Variants in LINGO2 observed in about 807,000 individuals in gnomAD.
The protein encoded by LINGO2 is leucine-rich repeat and immunoglobulin-like domain-containing nogo receptor-interacting protein 2.
LINGO2 carries 14 observed loss-of-function variants against 30.6 expected under a neutral mutation model. The ratio of observed to expected loss-of-function variants is 0.46; its 90% CI spans 0.30 to 0.72. The LOEUF (loss-of-function observed/expected upper bound fraction) is 0.72, where lower values mean the gene tolerates loss of function less well. Ranked by LOEUF, LINGO2 falls within the 30% of genes least tolerant of loss-of-function variation. The pLI is 0.07. For missense variants in LINGO2, 729 were observed against 751.7 expected, an observed-to-expected ratio of 0.97 and a Z score of 0.35; for synonymous variants, 317 against 288.5, an observed-to-expected ratio of 1.10 and a Z score of -1.00.
the LINGO2 span, among the ~76,000 whole-genome samples, chr9:28,741,544 G>C: frequency 6.6e-6 from 1 of 151,970 alleles, no homozygotes; most frequent in Non-Finnish European, 1.5e-5. Flanking sequence ...TCTTGCTCTG[G>C]GATATACTTG....
At chr9:28,921,446 G>A in the LINGO2 span, among the ~76,000 whole-genome samples, 2 of 152,000 alleles carry the variant, frequency 1.3e-5, no homozygotes, top group Admixed American at 6.6e-5. Flanking sequence ...AGGTCATCCC[G>A]TCACACAGAT....
intron 3 of LINGO2, among the ~76,000 whole-genome samples, chr9:28,362,532 G>A (rs1480914729): frequency 1.3e-5 from 2 of 151,374 alleles, no homozygotes; most frequent in East Asian, 1.9e-4. Context: ...GTGCAATGGC[G>A]TGATCTCAGC....
At chr9:28,149,017 G>T in intron 4 of LINGO2, 2 of 1,534,344 alleles carry the variant, frequency 1.3e-6, no homozygotes, top group East Asian at 2.4e-5. Flanking sequence ...AACTGAGGTG[G>T]GATAGAGACG....
chr9:29,135,413 C>T, the LINGO2 span, among the ~76,000 whole-genome samples: 1 of 151,952 alleles, frequency 6.6e-6, no homozygotes, highest in East Asian at 1.9e-4. Context: ...CAAAAATTAG[C>T]CAGGCATGGT....
intron 4 of LINGO2, among the ~76,000 whole-genome samples, chr9:28,103,058 T>C (rs1437080109): frequency 6.6e-6 from 1 of 152,134 alleles, no homozygotes; most frequent in African/African-American, 2.4e-5. Flanking sequence ...ATTCAAAACA[T>C]ACTTATATAT....
chr9:28,879,455 C>T, the LINGO2 span, among the ~76,000 whole-genome samples: 1 of 152,144 alleles, frequency 6.6e-6, no homozygotes, highest in South Asian at 2.1e-4. Flanking sequence ...CAAAACACCT[C>T]ATTAAAAAGT....
the LINGO2 span, among the ~76,000 whole-genome samples, chr9:28,832,403 G>T: frequency 0.026 from 3,946 of 152,220 alleles, 161 homozygotes; most frequent in African/African-American, 0.089. Context: ...AAAGACAAAT[G>T]ATGTTATATG....
the LINGO2 span, among the ~76,000 whole-genome samples, chr9:29,210,726 C>A: frequency 6.6e-6 from 1 of 152,140 alleles, no homozygotes; most frequent in African/African-American, 2.4e-5. Context: ...CATATATGTA[C>A]CTTAATCAAA....
intron 1 of LINGO2, among the ~76,000 whole-genome samples, chr9:28,642,008 A>G (rs1420085086): frequency 7.4e-6 from 1 of 135,382 alleles, no homozygotes; most frequent in Non-Finnish European, 1.6e-5. Flanking sequence ...TATTTATAAT[A>G]CTCTGTTTTT....
intron 4 of LINGO2, among the ~76,000 whole-genome samples, chr9:28,014,900 TAG>T (rs537854820): frequency 1.8e-4 from 28 of 152,180 alleles, no homozygotes; most frequent in Non-Finnish European, 3.7e-4. Context: ...ATAATCTGCA[TAG>T]ATTTATAAAT....
At chr9:28,281,894 G>A (rs1823340669) in intron 4 of LINGO2, among the ~76,000 whole-genome samples, 1 of 152,078 alleles carries the variant, frequency 6.6e-6, no homozygotes, top group Non-Finnish European at 1.5e-5. Context: ...ATGTGGAAAT[G>A]CTTGCTTGAA....
chr9:28,851,897 A>C, the LINGO2 span, among the ~76,000 whole-genome samples: 2 of 151,888 alleles, frequency 1.3e-5, no homozygotes, highest in South Asian at 2.1e-4. Flanking sequence ...TATATATATA[A>C]TCACATTTGG....
the LINGO2 span, among the ~76,000 whole-genome samples, chr9:29,151,605 A>G: frequency 1.3e-5 from 2 of 152,218 alleles, no homozygotes; most frequent in Non-Finnish European, 2.9e-5. Context: ...AGGAGTTACT[A>G]TTCTTAAGTG....
intron 4 of LINGO2, among the ~76,000 whole-genome samples, chr9:28,269,850 G>C (rs962223792): frequency 3.9e-5 from 6 of 152,066 alleles, no homozygotes; most frequent in Admixed American, 2.0e-4. Context: ...TGAACTCAGG[G>C]CTGGAGATCT....
chr9:28,174,815 T>C (rs1009826468), intron 4 of LINGO2, among the ~76,000 whole-genome samples: 1 of 152,104 alleles, frequency 6.6e-6, no homozygotes, highest in East Asian at 1.9e-4. Flanking sequence ...AATAAATGTT[T>C]ATGAAACATA....
the LINGO2 span, among the ~76,000 whole-genome samples, chr9:29,042,439 C>T: frequency 6.6e-6 from 1 of 151,952 alleles, no homozygotes; most frequent in Non-Finnish European, 1.5e-5. Context: ...GTGAATAATC[C>T]CATCTGTCCT....
chr9:28,194,037 T>C (rs1225699749), intron 4 of LINGO2, among the ~76,000 whole-genome samples: 1 of 152,162 alleles, frequency 6.6e-6, no homozygotes, highest in African/African-American at 2.4e-5. Context: ...TCTTCTACTT[T>C]AATCTGTTGG....
chr9:28,118,899 G>C (rs962594126), intron 4 of LINGO2, among the ~76,000 whole-genome samples: 1 of 152,106 alleles, frequency 6.6e-6, no homozygotes, highest in Non-Finnish European at 1.5e-5. Flanking sequence ...AATAGCAAAA[G>C]AGCCCTCTTC....
At chr9:28,835,810 G>GGGTA in the LINGO2 span, among the ~76,000 whole-genome samples, 1 of 152,106 alleles carries the variant, frequency 6.6e-6, no homozygotes, top group African/African-American at 2.4e-5. Context: ...CTACTCCTAT[G>GGGTA]GAGACTGGGT....
Sources: allele counts gnomAD v4.1 joint callset (sites outside exome capture counted in the v4.1 genomes callset), GRCh38; gene constraint gnomAD v4.1.1; transcripts MANE v1.5; gene names NCBI Gene and HGNC (gene_info 2026-07-23, HGNC 2026-07-21).